The following ANKAR variants were observed in gnomAD, a reference collection of about 807,000 sequenced individuals.
ANKAR encodes ankyrin and armadillo repeat-containing protein.
A neutral mutation model predicts 146.2 loss-of-function variants in ANKAR; 136 were observed. That is an observed-to-expected ratio of 0.93 (90% confidence interval 0.81 to 1.07). ANKAR has a LOEUF of 1.07. Among genes scored for constraint, ANKAR ranks in the 50% least tolerant of loss-of-function variants. ANKAR has a pLI of 0.00. For synonymous variants in ANKAR, 500 were observed against 575.8 expected (o/e 0.87, Z 1.88); for missense variants, 1,567 against 1,679.9 (o/e 0.93, Z 1.18).
At chr2:189,686,616 C>A (rs2035635587) in intron 2 of ANKAR, among the ~76,000 whole-genome samples, 1 of 151,946 alleles carries the variant, frequency 6.6e-6, no homozygotes, top group Non-Finnish European at 1.5e-5. Flanking sequence ...TGCTTTTGGC[C>A]CAAGTGAGAA....
chr2:189,738,254 T>C (rs545433287), intron 18 of ANKAR, among the ~76,000 whole-genome samples: 1 of 152,284 alleles, frequency 6.6e-6, no homozygotes, highest in African/African-American at 2.4e-5. Context: ...GGAAGTCTTA[T>C]TCTCTCTCTT....
At chr2:189,699,178 C>A (rs2037702190) in intron 7 of ANKAR, among the ~76,000 whole-genome samples, 1 of 152,058 alleles carries the variant, frequency 6.6e-6, no homozygotes. Flanking sequence ...ACTCTTCAAA[C>A]AGAACATGTC....
In ANKAR at chr2:189,712,700, CA is replaced by C. The variant is rs561764516; in HGVS notation, c.2224+1548del. Among the ~76,000 whole-genome samples the C allele has an allele frequency of 1.7e-3, 266 of 152,210 alleles. 1 individual carries two copies. In the Middle Eastern group the frequency reaches 0.02, roughly 12 times the overall value. On this transcript the variant is annotated intron_variant, in intron 10 of 22. Coordinates refer to ENST00000684021, the MANE Select transcript of ANKAR (RefSeq NM_001378068.1). ...CAGAAAAGCTGAAAATTCTAAAAAC[CA>C]GAGCACCTCTTCTCCTCCAAAGGAT...
chr2:189,705,614 A>G (rs1052493008), intron 8 of ANKAR, among the ~76,000 whole-genome samples: 2 of 152,170 alleles, frequency 1.3e-5, no homozygotes, highest in African/African-American at 4.8e-5. Flanking sequence ...ACTAGGGAGG[A>G]GAGGGTTGCT....
At chr2:189,700,640 A>C (rs181908141) in intron 7 of ANKAR, among the ~76,000 whole-genome samples, 1 of 152,042 alleles carries the variant, frequency 6.6e-6, no homozygotes, top group Non-Finnish European at 1.5e-5. Context: ...GGTCTTATCT[A>C]TTCTTTCTAT....
At chr2:189,740,557 T>A (rs933127358) in intron 19 of ANKAR, among the ~76,000 whole-genome samples, 1 of 150,604 alleles carries the variant, frequency 6.6e-6, no homozygotes, top group African/African-American at 2.5e-5. Flanking sequence ...TGGGACACTT[T>A]ATTATTTTAA....
At chr2:189,683,252 T>A (rs893907307) in intron 2 of ANKAR, among the ~76,000 whole-genome samples, 18 of 152,200 alleles carry the variant, frequency 1.2e-4, no homozygotes, top group African/African-American at 4.3e-4. Context: ...CTCTAAATGA[T>A]TAAGACAGGA....
At position 189,738,594 on chromosome 2, in the gene ANKAR, T is replaced by A; in HGVS notation, c.3612T>A (p.Asp1204Glu). The A allele has an allele frequency of 6.2e-7, 1 of 1,610,988 alleles. No individual in the cohort carries two copies. Among genetic ancestry groups the A allele is most frequent in the Non-Finnish European group, 8.5e-7 (1 of 1,178,020 alleles). ...QIVVLAKVIR[D>E]MDHITLSARG... ...TTGTACTGGCTAAAGTCATTAGAGA[T>A]ATGGACCATATTACTTTGTCTGCAA... Residue 1204 changes from aspartate (D) to glutamate (E), a missense_variant, in exon 19 of 23, where the codon GAT becomes GAA. Transcript: ENST00000684021.
Position 189,720,733 on chromosome 2 carries a change from G to A in ANKAR, c.2581G>A (p.Val861Met). 1 of 1,521,826 alleles carries A rather than the reference G, an allele frequency of 6.6e-7. No homozygotes were observed. The highest frequency in any genetic ancestry group is 8.8e-7 in the Non-Finnish European group (1 of 1,139,786). The allele number at this position is 1,521,826 out of a possible 1,614,324, so 94.3% of individuals were successfully genotyped here. Residue 861 changes from valine to methionine, a missense_variant, in exon 12 of 23, where the codon GTG becomes ATG. By Grantham distance (21) the Val-to-Met change is conservative. Coordinates refer to ENST00000684021, the MANE Select transcript of ANKAR (RefSeq NM_001378068.1). Reference sequence around the variant, plus strand: ...AGGAAATGAAAACAATCAAAGAGCTGTGAGAGAACATAAAGGCCTCCCATA... The same window carrying A: ...AGGAAATGAAAACAATCAAAGAGCTATGAGAGAACATAAAGGCCTCCCATA... ...CIGNENNQRA[V>M]REHKGLPYLI...
chr2:189,755,162 T>C (rs2045916509), intron 18 of ANKAR: 1 of 1,591,228 alleles, frequency 6.3e-7, no homozygotes, highest in Admixed American at 1.9e-5. Flanking sequence ...GAGAAATTAA[T>C]TCTTAATTAC....
At chr2:189,719,036 A>G (rs1199823437) in intron 10 of ANKAR, among the ~76,000 whole-genome samples, 1 of 152,158 alleles carries the variant, frequency 6.6e-6, no homozygotes, top group Non-Finnish European at 1.5e-5. Flanking sequence ...GGCGTGAGCC[A>G]CCGCGCCCGG....
chr2:189,722,285 G>A (rs2041353143), intron 12 of ANKAR, among the ~76,000 whole-genome samples: 1 of 146,778 alleles, frequency 6.8e-6, no homozygotes, highest in African/African-American at 2.6e-5. Context: ...GTTGCAGTGG[G>A]CTGAGATTGT....
At chr2:189,689,423 A>T in intron 2 of ANKAR, 104 bp from the exon 3 acceptor site, 1 of 963,794 alleles carries the variant, frequency 1.0e-6, no homozygotes, top group South Asian at 1.7e-5. Flanking sequence ...TACTGTCGTG[A>T]TAGTAGGATT....
chr2:189,698,039 A>G (rs954852233), intron 7 of ANKAR, among the ~76,000 whole-genome samples: 1 of 152,182 alleles, frequency 6.6e-6, no homozygotes, highest in African/African-American at 2.4e-5. Context: ...AAACTGCTGT[A>G]TATTAATGAT....
chr2:189,728,502 A>G (rs1301316433), intron 14 of ANKAR, 82 bp downstream of exon 14: 10 of 1,476,078 alleles, frequency 6.8e-6, no homozygotes, highest in Middle Eastern at 2.2e-4. Flanking sequence ...CAGTGGCACA[A>G]TTATAGCTCA....
intron 20 of ANKAR, among the ~76,000 whole-genome samples, 167 bp from the exon 21 acceptor site, chr2:189,743,108 A>C (rs535635525): frequency 6.6e-6 from 1 of 152,210 alleles, no homozygotes; most frequent in East Asian, 1.9e-4. Context: ...CTCTGTAAAA[A>C]TATGGCAGTT....
At chr2:189,685,649 T>C (rs2035470503) in intron 2 of ANKAR, among the ~76,000 whole-genome samples, 1 of 152,126 alleles carries the variant, frequency 6.6e-6, no homozygotes, top group South Asian at 2.1e-4. Flanking sequence ...TGTAGAGTGA[T>C]GAGCAGGAAC....
chr2:189,707,417 A>G (rs967584416), intron 9 of ANKAR, among the ~76,000 whole-genome samples: 12 of 134,046 alleles, frequency 9.0e-5, no homozygotes, highest in Non-Finnish European at 1.1e-4. Flanking sequence ...TTATTTTCCA[A>G]CTTTCTCCAG....
chr2:189,684,190 C>T (rs145791167), intron 2 of ANKAR, among the ~76,000 whole-genome samples: 9 of 152,040 alleles, frequency 5.9e-5, no homozygotes, highest in African/African-American at 1.4e-4. Context: ...TTATCACAAG[C>T]GAGTAATGTG....
Sources: gnomAD v4.1 joint callset for allele counts (sites outside exome capture counted in the v4.1 genomes callset) on GRCh38, gnomAD v4.1.1 for gene constraint, MANE v1.5 for transcripts, NCBI Gene and HGNC (gene_info 2026-07-23, HGNC 2026-07-21) for gene names.